IQSEC1: variants seen among roughly 807,000 people sequenced by gnomAD.
The protein encoded by IQSEC1 is IQ motif and Sec7 domain ArfGEF 1, also known as IQ motif and SEC7 domain-containing protein 1.
In IQSEC1, 31 loss-of-function variants were observed where a neutral mutation model predicts 91.0. The ratio of observed to expected loss-of-function variants is 0.34; its 90% CI spans 0.26 to 0.46. The LOEUF is 0.46. Ranked by LOEUF, IQSEC1 falls within the 20% of genes least tolerant of loss-of-function variation. The pLI is 1.00. For synonymous variants in IQSEC1, 699 were observed against 662.6 expected, an observed-to-expected ratio of 1.05 and a Z score of -0.84; for missense variants, 1,388 against 1,575.6, an observed-to-expected ratio of 0.88 and a Z score of 2.02.
chr3:13,112,270 C>A (rs34338893), intron 2 of IQSEC1, among the ~76,000 whole-genome samples: 54,100 of 152,122 alleles, frequency 0.36, 9,887 homozygotes, highest in East Asian at 0.43. Flanking sequence ...CATGCTGGAG[C>A]TCTGCAGTGG....
intron 1 of IQSEC1, among the ~76,000 whole-genome samples, chr3:13,278,024 C>G (rs1695722514): frequency 6.6e-6 from 1 of 152,314 alleles, no homozygotes; most frequent in South Asian, 2.1e-4. Flanking sequence ...CAGTGGCCAC[C>G]CCTGAGCTTG....
At chr3:13,005,278 AG>A (rs938730135) in intron 1 of IQSEC1, among the ~76,000 whole-genome samples, 2 of 152,134 alleles carry the variant, frequency 1.3e-5, no homozygotes, top group African/African-American at 4.8e-5. Context: ...GTGTGGGGGA[AG>A]GATCAGAGGA....
intron 2 of IQSEC1, among the ~76,000 whole-genome samples, chr3:13,161,968 C>T (rs920378489): frequency 7.2e-5 from 11 of 152,174 alleles, no homozygotes; most frequent in African/African-American, 2.4e-4. Flanking sequence ...TGCTGTTCCC[C>T]CACCGAAATG....
intron 2 of IQSEC1, among the ~76,000 whole-genome samples, chr3:13,120,170 A>G (rs1312514748): frequency 6.6e-6 from 1 of 152,212 alleles, no homozygotes; most frequent in Non-Finnish European, 1.5e-5. Context: ...CGCAGTCTGC[A>G]GCAGCAATGA....
chr3:12,975,022 T>C (rs1185207130), intron 1 of IQSEC1, among the ~76,000 whole-genome samples: 1 of 152,244 alleles, frequency 6.6e-6, no homozygotes, highest in Non-Finnish European at 1.5e-5. Flanking sequence ...ACACAGTTAC[T>C]CTGCTTCCCA....
At chr3:13,175,458 A>G (rs1289687859) in intron 1 of IQSEC1, among the ~76,000 whole-genome samples, 3 of 152,182 alleles carry the variant, frequency 2.0e-5, no homozygotes, top group African/African-American at 7.2e-5. Flanking sequence ...AAGAAAGGGC[A>G]TCCTACAGTT....
intron 1 of IQSEC1, among the ~76,000 whole-genome samples, chr3:13,231,232 A>G (rs762422437): frequency 1.3e-5 from 2 of 152,256 alleles, no homozygotes; most frequent in Non-Finnish European, 2.9e-5. Context: ...TTTTAAAAAT[A>G]ATACTCATTT....
At chr3:12,913,656 C>T (rs2117011) in intron 8 of IQSEC1, 103 bp from the exon 9 acceptor site, 161,793 of 1,218,684 alleles carry the variant, frequency 0.13, 11,679 homozygotes, top group South Asian at 0.21. Flanking sequence ...AAACCCGGCA[C>T]GTGGGCCTTG....
chr3:12,965,878 TC>T (rs996321999), intron 1 of IQSEC1, among the ~76,000 whole-genome samples: 4 of 152,144 alleles, frequency 2.6e-5, no homozygotes, highest in Non-Finnish European at 4.4e-5. Context: ...GACTGCTGGT[TC>T]CATGAGGACA....
At chr3:12,906,176 T>G (rs1002538435) in intron 12 of IQSEC1, among the ~76,000 whole-genome samples, 1 of 152,222 alleles carries the variant, frequency 6.6e-6, no homozygotes, top group Non-Finnish European at 1.5e-5. Flanking sequence ...CTGGGACAGC[T>G]GCTCTCAGGG....
At chr3:13,055,699 G>T (rs1016440780) in intron 1 of IQSEC1, among the ~76,000 whole-genome samples, 2 of 152,172 alleles carry the variant, frequency 1.3e-5, no homozygotes, top group Non-Finnish European at 2.9e-5. Context: ...CGAAGCAGGG[G>T]GCTGCCCCCA....
At chr3:13,020,345 C>T (rs997528511) in intron 1 of IQSEC1, among the ~76,000 whole-genome samples, 3 of 152,250 alleles carry the variant, frequency 2.0e-5, no homozygotes, top group African/African-American at 7.2e-5. Flanking sequence ...GCATCCTCAT[C>T]CCAAGAGAAC....
chr3:13,073,781 A>G (rs1390276487), upstream of IQSEC1, among the ~76,000 whole-genome samples: 2 of 152,248 alleles, frequency 1.3e-5, no homozygotes, highest in Non-Finnish European at 2.9e-5. Flanking sequence ...GCCGACTCCA[A>G]GGCTGTCTCT....
rs56812618 is a variant in IQSEC1 at position 13,199,565 on chromosome 3, C to G, written c.273-35432G>C. Among the ~76,000 whole-genome samples, 1,034 of 152,274 alleles carry G rather than the reference C, an allele frequency of 6.8e-3. 14 individuals carry two copies. The highest frequency in any genetic ancestry group is 0.024 in the African/African-American group (987 of 41,536). The stretch of plus-strand genomic sequence containing the variant: ...CTCCCCACTTGCTGTGCTGTGGTCG[C>G]CCCTCCGCTCCTTCCCACCGACCAA... On this transcript the variant is annotated intron_variant, in intron 1 of 15. Coordinates refer to the IQSEC1 transcript ENST00000648114.
At chr3:13,184,370 G>A (rs1693895452) in intron 1 of IQSEC1, among the ~76,000 whole-genome samples, 1 of 152,224 alleles carries the variant, frequency 6.6e-6, no homozygotes. Flanking sequence ...ACATGATCAT[G>A]TCAACAGATG....
chr3:12,985,500 C>T (rs528165326), intron 1 of IQSEC1, among the ~76,000 whole-genome samples: 2 of 152,052 alleles, frequency 1.3e-5, no homozygotes, highest in Non-Finnish European at 2.9e-5. Context: ...TCCCCCCCCC[C>T]CCGCCAACCG....
intron 1 of IQSEC1, among the ~76,000 whole-genome samples, chr3:13,174,833 T>TCCCCCCCCCCCCCCCCCCC (rs754194155): frequency 1.8e-5 from 2 of 112,712 alleles, no homozygotes; most frequent in Non-Finnish European, 3.8e-5. Flanking sequence ...GTCTTTCTGC[T>TCCCCCCCCCCCCCCCCCCC]CCCCCCCCCC....
chr3:13,073,128 C>G lies in IQSEC1; in HGVS notation c.-114G>C, dbSNP rs1325628539. The G allele has an allele frequency of 1.6e-6, 2 of 1,286,438 alleles. No homozygotes were observed. Among genetic ancestry groups the G allele is most frequent in the South Asian group, 1.3e-5 (1 of 78,426 alleles). The allele number at this position is 1,286,438 out of a possible 1,614,324, so 79.7% of individuals were successfully genotyped here. On this transcript the variant is annotated 5_prime_UTR_variant, in exon 1 of 14. Coordinates refer to ENST00000613206, the MANE Select transcript of IQSEC1 (RefSeq NM_001134382.3). Reference sequence around the variant, plus strand: ...GAAGTGGAGGGGAATAAAATTAAATCGCGGGGCGAGTCACATTCCCGGGGG... The same window carrying G: ...GAAGTGGAGGGGAATAAAATTAAATGGCGGGGCGAGTCACATTCCCGGGGG...
rs762166587 is a variant in IQSEC1 at position 12,935,561 on chromosome 3, C to T, written c.1455G>A (p.Thr485=). 4.3e-6 allele frequency: 7 copies of T among 1,613,964 alleles called. No homozygotes were observed. Among genetic ancestry groups the T allele is most frequent in the Middle Eastern group, 1.6e-4 (1 of 6,084 alleles). The change falls in exon 3 of 14, where the codon ACG becomes ACA. Residue 485 remains threonine, a synonymous_variant. Transcript: ENST00000613206. The surrounding 1 kb of genome is among the most constrained non-coding windows in gnomAD (Gnocchi z 8.0). The stretch of plus-strand genomic sequence containing the variant: ...CCTTGTGGTAGGTCTGCTTGCTGAG[C>T]GTCTGCTCCCGCAGGCTGTCACGGG... ...SSSRDSLREQ[T]LSKQTYHKEA... is the part of the protein sequence containing the mutation.
Sources: allele counts gnomAD v4.1 joint callset (sites outside exome capture counted in the v4.1 genomes callset), GRCh38; gene constraint gnomAD v4.1.1; non-coding constraint Gnocchi (gnomAD v3.1); transcripts MANE v1.5; gene names NCBI Gene and HGNC (gene_info 2026-07-23, HGNC 2026-07-21).